The following ADCY9 variants were observed in gnomAD, a reference collection of about 807,000 sequenced individuals.
ADCY9 encodes adenylate cyclase type 9.
A neutral mutation model predicts 101.5 loss-of-function variants in ADCY9; 50 were observed. The ratio of observed to expected loss-of-function variants is 0.49; its 90% confidence interval spans 0.39 to 0.62. The LOEUF (loss-of-function observed/expected upper bound fraction) is 0.62. Among genes scored for constraint, ADCY9 ranks in the 20% least tolerant of loss-of-function variants. ADCY9 has a pLI of 0.00. For missense variants in ADCY9, 1,662 were observed against 1,800.4 expected (o/e 0.92, Z 1.39); for synonymous variants, 905 against 769.3 (o/e 1.18, Z -2.92).
intron 10 of ADCY9, 27 bp downstream of exon 10, chr16:3,974,642 G>C: frequency 6.3e-7 from 1 of 1,597,960 alleles, no homozygotes; most frequent in Middle Eastern, 1.7e-4. Flanking sequence ...CGTTTATTCA[G>C]ACAGAAGTGC....
chr16:4,108,449 C>T (rs866834939), intron 2 of ADCY9, among the ~76,000 whole-genome samples: 1 of 137,780 alleles, frequency 7.3e-6, no homozygotes, highest in Non-Finnish European at 1.5e-5. Context: ...TCTCGGCTCA[C>T]TGCAAACTCC....
chr16:4,065,049 G>A (rs1409173108), intron 2 of ADCY9, among the ~76,000 whole-genome samples: 3 of 152,158 alleles, frequency 2.0e-5, no homozygotes, highest in African/African-American at 7.2e-5. Context: ...CCTGTAGTAC[G>A]TCCATCACCA....
chr16:4,058,334 G>A (rs1456897163), intron 2 of ADCY9, among the ~76,000 whole-genome samples: 3 of 151,560 alleles, frequency 2.0e-5, no homozygotes, highest in East Asian at 1.9e-4. Context: ...GCATGGTGGC[G>A]TGCACCTGTA....
chr16:4,042,663 T>C (rs533493057), intron 2 of ADCY9, among the ~76,000 whole-genome samples: 71 of 152,294 alleles, frequency 4.7e-4, no homozygotes, highest in African/African-American at 1.6e-3. Context: ...TATAGTTATT[T>C]TTAGAATATA....
intron 2 of ADCY9, among the ~76,000 whole-genome samples, chr16:4,099,462 C>T (rs2057028811): frequency 6.6e-6 from 1 of 152,156 alleles, no homozygotes; most frequent in Non-Finnish European, 1.5e-5. Flanking sequence ...TGAGGGTAAA[C>T]TTTAGCTCAG....
At chr16:4,005,224 C>T (rs1216162374) in intron 3 of ADCY9, among the ~76,000 whole-genome samples, 1 of 152,106 alleles carries the variant, frequency 6.6e-6, no homozygotes, top group East Asian at 1.9e-4. Flanking sequence ...CCACTGAGCA[C>T]CCTCCTCCCT....
chr16:4,009,879 T>C (rs2056392058), intron 2 of ADCY9, among the ~76,000 whole-genome samples: 1 of 152,224 alleles, frequency 6.6e-6, no homozygotes, highest in Non-Finnish European at 1.5e-5. Flanking sequence ...CAAGGAGGCC[T>C]GTCCTGGGGC....
chr16:4,115,072 C>A lies in ADCY9; in HGVS notation c.371G>T (p.Gly124Val), dbSNP rs2057140453. 1 of 1,613,864 alleles carries A rather than the reference C, an allele frequency of 6.2e-7. No individual in the cohort carries two copies. Among genetic ancestry groups the A allele is most frequent in the Admixed American group, 1.7e-5 (1 of 60,004 alleles). ...RRFRYALFYI[G>V]FACLLWSIYF... ...GATGCTCCACAGAAGGCAGGCGAAGCCGATGTAGAAGAGCGCATACCGGAA... is the reference window on the plus strand; with the variant it reads ...GATGCTCCACAGAAGGCAGGCGAAGACGATGTAGAAGAGCGCATACCGGAA... The change falls in exon 2 of 11, where the codon GGC becomes GTC. Residue 124 changes from glycine (G) to valine (V), a missense_variant. Physicochemically the swap from Gly to Val is moderately radical, Grantham distance 109. This residue lies in a region of ADCY9 where 422 missense variants were observed against 392.0 expected (regional missense o/e 1.08). Coordinates refer to ENST00000294016, the MANE Select transcript of ADCY9 (RefSeq NM_001116.4). This position sits in a 1 kb window ranked among gnomAD's most constrained non-coding sequence, Gnocchi z 6.2.
rs557492938 is a variant in ADCY9 at position 4,090,248 on chromosome 16, C to T, written c.1693+23502G>A. 8.5e-4 allele frequency among the ~76,000 whole-genome samples: 130 copies of T among 152,210 alleles called. 1 individual carries two copies. Among genetic ancestry groups the T allele is most frequent in the African/African-American group, 2.9e-3 (119 of 41,564 alleles). The stretch of plus-strand genomic sequence containing the variant: ...ACAGCTGGAGGCGTCCAACCTCACC[C>T]AGTTGTTCAAGGAGGGACCTTGCCC... On this transcript the variant is annotated intron_variant, in intron 2 of 10. Transcript: ENST00000294016.
intron 4 of ADCY9, 109 bp downstream of exon 4, chr16:3,993,297 C>G: frequency 6.5e-7 from 1 of 1,528,988 alleles, no homozygotes. Context: ...AGTGCTGTTA[C>G]CCAAGAGGAG....
At chr16:3,999,065 G>A (rs571487272) in intron 3 of ADCY9, among the ~76,000 whole-genome samples, 4 of 152,016 alleles carry the variant, frequency 2.6e-5, no homozygotes, top group East Asian at 3.9e-4. Context: ...TTTCCCAGCC[G>A]GCTAAACAGC....
chr16:4,075,763 A>G (rs369457056), intron 2 of ADCY9, among the ~76,000 whole-genome samples: 2 of 152,096 alleles, frequency 1.3e-5, no homozygotes, highest in African/African-American at 4.8e-5. Flanking sequence ...GCCAGGCGGG[A>G]GGGCTCAGGA....
At chr16:4,024,958 T>C (rs761462266) in intron 2 of ADCY9, among the ~76,000 whole-genome samples, 7 of 151,850 alleles carry the variant, frequency 4.6e-5, no homozygotes, top group Non-Finnish European at 8.8e-5. Context: ...CTGTCCATAA[T>C]ATCACCAGGG....
In ADCY9 at chr16:3,966,049, C is replaced by T. The variant is rs773282474; in HGVS notation, c.3788G>A (p.Arg1263His). Reference protein sequence around the residue: ...QHQLSISPDIRVQVDGSIGRS... With the variant: ...QHQLSISPDIHVQVDGSIGRS... ...TCCGATGCTGCCATCCACCTGGACG[C>T]GGATGTCTGGGGAGATGGACAGCTG... The change falls in exon 11 of 11, where the codon CGC (arginine) becomes CAC (histidine). Residue 1263 changes from arginine (R) to histidine (H), a missense_variant. Physicochemically the swap from Arg to His is conservative, Grantham distance 29. Coordinates refer to ENST00000294016, the MANE Select transcript of ADCY9 (RefSeq NM_001116.4). The T allele has an allele frequency of 6.0e-5, 97 of 1,614,054 alleles. No homozygotes were observed. The highest frequency in any genetic ancestry group is 1.9e-4 in the African/African-American group (14 of 74,914).
chr16:4,045,096 G>C (rs1050005185), intron 2 of ADCY9, among the ~76,000 whole-genome samples: 26 of 152,288 alleles, frequency 1.7e-4, no homozygotes. Context: ...TGAGGCTTTG[G>C]ACAAAGTCCT....
intron 2 of ADCY9, among the ~76,000 whole-genome samples, chr16:4,053,017 A>AT (rs2056711675): frequency 6.6e-6 from 1 of 152,156 alleles, no homozygotes; most frequent in Admixed American, 6.5e-5. Flanking sequence ...AGACAAACTG[A>AT]TTTTTTAATC....
At chr16:4,069,786 T>C (rs1355418013) in intron 2 of ADCY9, among the ~76,000 whole-genome samples, 1 of 152,070 alleles carries the variant, frequency 6.6e-6, no homozygotes, top group Admixed American at 6.6e-5. Context: ...TTTAGAAAAT[T>C]TTCTCTGCCT....
chr16:3,998,066 C>T (rs1484764064), intron 3 of ADCY9, among the ~76,000 whole-genome samples: 4 of 152,082 alleles, frequency 2.6e-5, no homozygotes, highest in Non-Finnish European at 1.5e-5. Flanking sequence ...TGCACTCCAG[C>T]CTGGGCGACA....
chr16:4,113,616 C>A lies in ADCY9; in HGVS notation c.1693+134G>T, dbSNP rs1205840730. 2.5e-6 allele frequency: 3 copies of A among 1,193,618 alleles called. No homozygotes were observed. In the East Asian group the frequency reaches 7.0e-5, roughly 28 times the overall value. 73.9% of individuals were successfully genotyped at this position (1,193,618 alleles called of 1,614,324 possible). ...CGCTGAAAGAAAAGTCACACTGACC[C>A]TGAGATCCCCCCATGGTAAGGCATT... On this transcript the variant is annotated intron_variant, in intron 2 of 10. Coordinates refer to ENST00000294016, the MANE Select transcript of ADCY9 (RefSeq NM_001116.4).
Sources: gnomAD v4.1 joint callset for allele counts (sites outside exome capture counted in the v4.1 genomes callset) on GRCh38, gnomAD v4.1.1 for gene constraint, gnomAD v4.1.1 regional missense constraint, Gnocchi (gnomAD v3.1) non-coding constraint, MANE v1.5 for transcripts, NCBI Gene and HGNC (gene_info 2026-07-23, HGNC 2026-07-21) for gene names.